Variants in NINL observed in about 807,000 individuals in gnomAD.
NINL encodes ninein like, also known as ninein-like protein.
A neutral mutation model predicts 160.3 loss-of-function variants in NINL; 153 were observed. The ratio of observed to expected loss-of-function variants is 0.95; its 90% confidence interval spans 0.84 to 1.09. The LOEUF is 1.09. NINL is among the 50% of genes least tolerant of loss of function. The probability of loss-of-function intolerance (pLI) is 0.00; values close to 1 mark genes in which losing one functional copy is unlikely to be tolerated. For missense variants in NINL, 1,829 were observed against 1,764.0 expected (o/e 1.04, Z -0.66); for synonymous variants, 800 against 734.8 (o/e 1.09, Z -1.43).
At chr20:25,479,581 G>C (rs763779521) in intron 15 of NINL, among the ~76,000 whole-genome samples, 24 of 152,192 alleles carry the variant, frequency 1.6e-4, no homozygotes, top group Admixed American at 1.3e-4. Context: ...CTATGGGTGG[G>C]CAGGGCTCGC....
At chr20:25,496,077 C>A (rs1488160147) in intron 10 of NINL, among the ~76,000 whole-genome samples, 2 of 152,092 alleles carry the variant, frequency 1.3e-5, no homozygotes, top group Admixed American at 1.3e-4. Flanking sequence ...ACCTGGGAGG[C>A]GGAGGTTGCA....
At chr20:25,560,667 T>TG (rs1377304465) in intron 1 of NINL, among the ~76,000 whole-genome samples, 4 of 152,068 alleles carry the variant, frequency 2.6e-5, no homozygotes, top group African/African-American at 7.2e-5. Context: ...CTGCTGGTTT[T>TG]GGGGGGATCT....
At chr20:25,539,176 AAAGAT>A (rs1430865054) in intron 1 of NINL, among the ~76,000 whole-genome samples, 1 of 152,238 alleles carries the variant, frequency 6.6e-6, no homozygotes, top group East Asian at 1.9e-4. Flanking sequence ...CTGGGACAGC[AAAGAT>A]AAGGAGTCAG....
At position 25,503,860 on chromosome 20, in the gene NINL, G is replaced by A. The variant is rs1448390765; in HGVS notation, c.861+92C>T. On this transcript the variant is annotated intron_variant, in intron 7 of 23. Coordinates refer to ENST00000278886, the MANE Select transcript of NINL (RefSeq NM_025176.6). Reference sequence around the variant, plus strand: ...CCAGTTCTTGGACAGCTTGTTGTGTGGTGACACAGGCAGGGAGGGAGTCAG... The same window carrying A: ...CCAGTTCTTGGACAGCTTGTTGTGTAGTGACACAGGCAGGGAGGGAGTCAG... The A allele has an allele frequency of 2.7e-6, 4 of 1,465,818 alleles. No homozygotes were observed. The South Asian group carries it at 3.5e-5, about 13-fold the overall frequency. 90.8% of individuals were successfully genotyped at this position (1,465,818 alleles called of 1,614,324 possible). A position where few individuals can be genotyped will look rare whatever the true frequency, so the allele number is the denominator to read the frequency against.
chr20:25,575,702 G>A (rs2065107530), intron 1 of NINL, among the ~76,000 whole-genome samples: 1 of 151,978 alleles, frequency 6.6e-6, no homozygotes, highest in South Asian at 2.1e-4. Context: ...AGTGAGCCGA[G>A]ATCGCGCCAT....
intron 1 of NINL, among the ~76,000 whole-genome samples, chr20:25,577,000 C>T (rs920977944): frequency 6.6e-6 from 1 of 152,218 alleles, no homozygotes; most frequent in Non-Finnish European, 1.5e-5. Flanking sequence ...CTGCAAACAT[C>T]CTGCTTGACA....
rs200042827 is a variant in NINL, at chr20:25,479,018, G to C, written c.2106C>G (p.Arg702=). 1.8e-5 allele frequency: 29 copies of C among 1,609,324 alleles called. No homozygotes were observed. Among genetic ancestry groups the C allele is most frequent in the Non-Finnish European group, 2.2e-5 (26 of 1,179,888 alleles). Residue 702 remains arginine, a synonymous_variant, in exon 16 of 24, where the codon CGC becomes CGG. Transcript: ENST00000278886. ...GGCCCATCTGCTCAGGCTCGGGGCC[G>C]CGGGCTGTGTCCTGCAGCTGCTCCT... The part of the protein sequence containing the change: ...GLQEQLQDTA[R]GPEPEQMGLA...
At chr20:25,548,234 G>A (rs977343575) in intron 1 of NINL, among the ~76,000 whole-genome samples, 1 of 152,148 alleles carries the variant, frequency 6.6e-6, no homozygotes, top group Non-Finnish European at 1.5e-5. Context: ...ATGCTCTCTG[G>A]GCCTGAGCTG....
Position 25,496,625 on chromosome 20 carries a change from G to A in NINL, c.1310+38C>T, listed in dbSNP as rs369516667. On this transcript the variant is annotated intron_variant, in intron 10 of 23. Coordinates refer to ENST00000278886, the MANE Select transcript of NINL (RefSeq NM_025176.6). ...ACCTGCCCTCAAAGGGGCTGGGGAG[G>A]CCCAGGTAAGAATCCACCACCTGGG... 5.0e-6 allele frequency: 8 copies of A among 1,609,196 alleles called. No homozygotes were observed. In the African/African-American group the frequency reaches 8.0e-5, roughly 16 times the overall value.
At chr20:25,550,079 G>A (rs1466798409) in intron 1 of NINL, among the ~76,000 whole-genome samples, 1 of 152,152 alleles carries the variant, frequency 6.6e-6, no homozygotes, top group East Asian at 1.9e-4. Context: ...CTCACATTAC[G>A]TTTACTTAAA....
intron 1 of NINL, chr20:25,540,025 C>A (rs932670968): frequency 1.7e-5 from 22 of 1,288,492 alleles, no homozygotes; most frequent in Middle Eastern, 4.2e-4. Context: ...TGTTTACCTG[C>A]GCAGTTCAGA....
At chr20:25,514,624 G>C (rs1325143176) in intron 3 of NINL, among the ~76,000 whole-genome samples, 2 of 152,206 alleles carry the variant, frequency 1.3e-5, no homozygotes, top group African/African-American at 4.8e-5. Flanking sequence ...GCATTTCAGA[G>C]AGCTTCATGG....
At chr20:25,547,701 C>T (rs2064752847) in intron 1 of NINL, among the ~76,000 whole-genome samples, 2 of 152,138 alleles carry the variant, frequency 1.3e-5, no homozygotes, top group Admixed American at 1.3e-4. Flanking sequence ...ACTTGATTAC[C>T]TCTTTAAAGA....
intron 10 of NINL, 129 bp from the exon 11 acceptor site, chr20:25,491,654 TTGGCTGAGCTG>T (rs2063641642): frequency 2.8e-6 from 3 of 1,087,122 alleles, no homozygotes; most frequent in Non-Finnish European, 2.6e-6. Flanking sequence ...CCGCCCTGCC[TTGGCTGAGCTG>T]CCCATGCTGG....
chr20:25,558,976 T>G (rs966526685), intron 1 of NINL, among the ~76,000 whole-genome samples: 2 of 152,252 alleles, frequency 1.3e-5, no homozygotes, highest in Admixed American at 6.5e-5. Context: ...GTTGCTTTGC[T>G]TCCAAGATCT....
intron 1 of NINL, among the ~76,000 whole-genome samples, chr20:25,561,040 C>A (rs1260031536): frequency 1.8e-5 from 1 of 54,292 alleles, no homozygotes; most frequent in Non-Finnish European, 3.9e-5. Flanking sequence ...CTCCCCTCCT[C>A]TCCCTCTCCC....
At chr20:25,533,940 A>G (rs1032675612) in intron 1 of NINL, among the ~76,000 whole-genome samples, 1 of 152,224 alleles carries the variant, frequency 6.6e-6, no homozygotes, top group Non-Finnish European at 1.5e-5. Context: ...ATGTCACTAA[A>G]AGCACAGGCA....
chr20:25,492,275 T>A (rs1473681241), intron 10 of NINL, among the ~76,000 whole-genome samples: 1 of 152,224 alleles, frequency 6.6e-6, no homozygotes, highest in Non-Finnish European at 1.5e-5. Flanking sequence ...ATCTGACTAA[T>A]TTAATACTCC....
At chr20:25,491,232 G>T in intron 11 of NINL, 119 bp downstream of exon 11, 1 of 1,278,276 alleles carries the variant, frequency 7.8e-7, no homozygotes, top group Non-Finnish European at 1.1e-6. Context: ...GCCCTGCCCT[G>T]AAACATAAGC....
Sources: allele counts gnomAD v4.1 joint callset (sites outside exome capture counted in the v4.1 genomes callset), GRCh38; gene constraint gnomAD v4.1.1; transcripts MANE v1.5; gene names NCBI Gene and HGNC (gene_info 2026-07-23, HGNC 2026-07-21).